Variants in SLC13A3 observed in about 807,000 individuals in gnomAD.
The protein encoded by SLC13A3 is solute carrier family 13 member 3, also known as Na(+)/dicarboxylate cotransporter 3.
In SLC13A3, 40 loss-of-function variants were observed where a neutral mutation model predicts 59.0. The ratio of observed to expected loss-of-function variants is 0.68; its 90% CI spans 0.53 to 0.88. The LOEUF (loss-of-function observed/expected upper bound fraction) is 0.88, where lower values mean the gene tolerates loss of function less well. SLC13A3 is among the 40% of genes least tolerant of loss of function. The pLI, the probability that SLC13A3 is intolerant of heterozygous loss-of-function variation, is 0.00. For synonymous variants in SLC13A3, 317 were observed against 330.3 expected, an observed-to-expected ratio of 0.96 and a Z score of 0.44; for missense variants, 699 against 783.2, an observed-to-expected ratio of 0.89 and a Z score of 1.28.
At chr20:46,584,531 A>C in intron 8 of SLC13A3, 1 of 979,464 alleles carries the variant, frequency 1.0e-6, no homozygotes, top group Non-Finnish European at 1.2e-6. Context: ...GAGAGTATTC[A>C]AACAGACAAG....
intron 10 of SLC13A3, among the ~76,000 whole-genome samples, chr20:46,575,227 C>A (rs1297214699): frequency 6.6e-6 from 1 of 152,086 alleles, no homozygotes; most frequent in East Asian, 1.9e-4. Flanking sequence ...ATCCTTCCAC[C>A]TCCACAAGCA....
chr20:46,602,899 C>T (rs897705787), intron 3 of SLC13A3, among the ~76,000 whole-genome samples: 3 of 152,132 alleles, frequency 2.0e-5, no homozygotes, highest in Non-Finnish European at 4.4e-5. Context: ...TAATCTACTG[C>T]CAGGTGTGGT....
chr20:46,600,340 G>GAAGGA (rs1600541427), intron 3 of SLC13A3, among the ~76,000 whole-genome samples: 1 of 142,368 alleles, frequency 7.0e-6, no homozygotes, highest in East Asian at 2.1e-4. Flanking sequence ...AGGAAGGAAG[G>GAAGGA]AAAGGAAAAG....
chr20:46,663,124 T>C (rs2063041545), intron 1 of SLC13A3, among the ~76,000 whole-genome samples: 1 of 151,732 alleles, frequency 6.6e-6, no homozygotes, highest in Admixed American at 6.6e-5. Flanking sequence ...TCATCGCTGT[T>C]TTAAAATAAA....
intron 1 of SLC13A3, among the ~76,000 whole-genome samples, chr20:46,625,947 A>G (rs533248955): frequency 2.6e-5 from 4 of 152,298 alleles, no homozygotes; most frequent in South Asian, 2.1e-4. Context: ...TGGGGCTACT[A>G]TGGAAAAAGT....
intron 6 of SLC13A3, among the ~76,000 whole-genome samples, chr20:46,589,746 G>C (rs1024438137): frequency 2.6e-5 from 4 of 152,132 alleles, no homozygotes; most frequent in Non-Finnish European, 2.9e-5. Context: ...TGAATAGTGG[G>C]GGAAGGAATA....
intron 4 of SLC13A3, among the ~76,000 whole-genome samples, chr20:46,597,863 A>C (rs1568928463): frequency 6.6e-6 from 1 of 152,382 alleles, no homozygotes; most frequent in East Asian, 1.9e-4. Context: ...ATTTTTTGAC[A>C]TATGCAATTG....
chr20:46,602,115 C>T (rs903383071), intron 3 of SLC13A3, among the ~76,000 whole-genome samples: 1 of 152,112 alleles, frequency 6.6e-6, no homozygotes, highest in Non-Finnish European at 1.5e-5. Flanking sequence ...AGGAGGATTG[C>T]TTGAGCCGAG....
intron 1 of SLC13A3, among the ~76,000 whole-genome samples, chr20:46,679,470 C>T (rs866470308): frequency 9.9e-5 from 15 of 152,120 alleles, no homozygotes; most frequent in African/African-American, 3.1e-4. Flanking sequence ...AAAAATTCGC[C>T]GGGCGTGGTG....
chr20:46,633,173 C>T (rs552882230), intron 1 of SLC13A3, among the ~76,000 whole-genome samples: 3 of 152,120 alleles, frequency 2.0e-5, no homozygotes, highest in African/African-American at 7.2e-5. Context: ...ATATACGGAC[C>T]CCAAAGGGAA....
intron 1 of SLC13A3, chr20:46,675,924 C>A (rs960748215): frequency 6.6e-6 from 1 of 151,410 alleles, no homozygotes; most frequent in South Asian, 2.1e-4. Context: ...AGCTTCTTTT[C>A]TTTTTTTGAG....
chr20:46,585,659 G>C, intron 8 of SLC13A3: 3 of 1,286,394 alleles, frequency 2.3e-6, no homozygotes, highest in Non-Finnish European at 3.0e-6. Context: ...AGTCAGGAAA[G>C]ATGTATATCA....
intron 12 of SLC13A3, among the ~76,000 whole-genome samples, chr20:46,562,305 T>C (rs2146073509): frequency 6.6e-6 from 1 of 152,234 alleles, no homozygotes; most frequent in South Asian, 2.1e-4. Flanking sequence ...CTTCTCCAAC[T>C]CCACTGCAGC....
chr20:46,641,898 A>G (rs1014090340), intron 1 of SLC13A3, among the ~76,000 whole-genome samples: 7 of 152,174 alleles, frequency 4.6e-5, no homozygotes, highest in Non-Finnish European at 7.3e-5. Flanking sequence ...GGGATCTCAC[A>G]TGAATCCACC....
intron 1 of SLC13A3, among the ~76,000 whole-genome samples, chr20:46,638,788 G>A (rs1356521089): frequency 3.9e-5 from 6 of 152,154 alleles, no homozygotes; most frequent in East Asian, 1.9e-4. Context: ...CCTTGGCACC[G>A]CGGACATTTG....
intron 1 of SLC13A3, among the ~76,000 whole-genome samples, chr20:46,677,729 T>C (rs751731889): frequency 6.6e-6 from 1 of 152,042 alleles, no homozygotes; most frequent in African/African-American, 2.4e-5. Flanking sequence ...GTAAGACATA[T>C]CTCACTCTCC....
intron 1 of SLC13A3, among the ~76,000 whole-genome samples, chr20:46,622,025 A>G (rs558499848): frequency 3.2e-4 from 49 of 152,302 alleles, no homozygotes; most frequent in African/African-American, 8.9e-4. Context: ...TCCATTCAAA[A>G]TGATTTACTG....
chr20:46,634,877 G>A lies in SLC13A3; in HGVS notation c.111+16434C>T, dbSNP rs2062780718. ...GTTCCTTCATCTCCCATCATGGAGC[G>A]GCATGGTGGGGTGCACCAAAAGCTC... On this transcript the variant is annotated intron_variant, in intron 1 of 12. Transcript: ENST00000279027. Among the ~76,000 whole-genome samples the A allele has an allele frequency of 2.0e-5, 3 of 152,228 alleles. 1 individual carries two copies. The highest frequency in any genetic ancestry group is 1.3e-4 in the Admixed American group (2 of 15,290).
chr20:46,656,305 A>T (rs1387138789), upstream of SLC13A3, among the ~76,000 whole-genome samples: 1 of 131,760 alleles, frequency 7.6e-6, no homozygotes, highest in Non-Finnish European at 1.6e-5. Context: ...TATACTATAC[A>T]GTATATATTA....
Sources: gnomAD v4.1 joint callset for allele counts (sites outside exome capture counted in the v4.1 genomes callset) on GRCh38, gnomAD v4.1.1 for gene constraint, MANE v1.5 for transcripts, NCBI Gene and HGNC (gene_info 2026-07-23, HGNC 2026-07-21) for gene names.